The following DSC2 variants were observed in gnomAD, a reference collection of about 807,000 sequenced individuals.
DSC2 encodes the protein desmocollin 2.
A neutral mutation model predicts 87.6 loss-of-function variants in DSC2; 51 were observed. The ratio of observed to expected loss-of-function variants is 0.58; its 90% CI spans 0.46 to 0.74. The LOEUF (loss-of-function observed/expected upper bound fraction) is 0.74, where lower values mean the gene tolerates loss of function less well. Among genes scored for constraint, DSC2 ranks in the 30% least tolerant of loss-of-function variants. DSC2 has a pLI of 0.00. For synonymous variants in DSC2, 383 were observed against 393.2 expected (o/e 0.97, Z 0.31); for missense variants, 1,066 against 1,089.5 (o/e 0.98, Z 0.30).
At chr18:31,077,281 A>C (rs1987054972) in intron 11 of DSC2, among the ~76,000 whole-genome samples, 1 of 152,200 alleles carries the variant, frequency 6.6e-6, no homozygotes, top group Non-Finnish European at 1.5e-5. Flanking sequence ...CTGTCCCTCA[A>C]CTTCTCCTGT....
chr18:31,096,651 A>G (rs890403319), intron 1 of DSC2, among the ~76,000 whole-genome samples: 2 of 152,130 alleles, frequency 1.3e-5, no homozygotes, highest in Non-Finnish European at 2.9e-5. Context: ...AAATTCAATA[A>G]CCATTCTTAT....
intron 7 of DSC2, among the ~76,000 whole-genome samples, chr18:31,083,455 C>T (rs1331739277): frequency 1.3e-5 from 2 of 152,214 alleles, no homozygotes; most frequent in South Asian, 2.1e-4. Context: ...CTTTATTCAA[C>T]AGAAAAAGAA....
chr18:31,085,675 C>A (rs977096259), intron 7 of DSC2, among the ~76,000 whole-genome samples: 2 of 151,712 alleles, frequency 1.3e-5, no homozygotes, highest in Admixed American at 6.6e-5. Flanking sequence ...CTACCCTAAT[C>A]CATGAGGGAT....
rs569871930 is a variant in DSC2, at chr18:31,072,983, G to A, written c.1889-1142C>T. Among the ~76,000 whole-genome samples the A allele has an allele frequency of 2.0e-5, 3 of 152,236 alleles. No homozygotes were observed. In the East Asian group the frequency reaches 5.8e-4, roughly 29 times the overall value. ...TTACTCCCCCAAAAATCCCATTTTA[G>A]TAAATTGATGCTCAAAGACAATAAA... is the stretch of plus-strand genomic sequence containing the variant. On this transcript the variant is annotated intron_variant, in intron 12 of 15. Coordinates refer to ENST00000280904, the MANE Select transcript of DSC2 (RefSeq NM_024422.6).
intron 2 of DSC2, among the ~76,000 whole-genome samples, chr18:31,092,786 A>T (rs915268346): frequency 2.0e-5 from 3 of 152,116 alleles, no homozygotes; most frequent in African/African-American, 4.8e-5. Context: ...TTTAATTGAT[A>T]AAAAAATACA....
In DSC2 at chr18:31,102,349, C is replaced by G. The variant is rs956480703; in HGVS notation, c.-378G>C. 1.1e-5 allele frequency: 2 copies of G among 185,518 alleles called. No individual in the cohort carries two copies. The highest frequency in any genetic ancestry group is 2.2e-5 in the Non-Finnish European group (2 of 90,724). The allele number at this position is 185,518 out of a possible 1,614,324, so 11.5% of individuals were successfully genotyped here. A position where few individuals can be genotyped will look rare whatever the true frequency, so the allele number is the denominator to read the frequency against. ...CGGACGCCACCTATAAGGCCCATCTCCCCCACCACGCCCCGGTGTCCGCTC... is the reference window on the plus strand; with the variant it reads ...CGGACGCCACCTATAAGGCCCATCTGCCCCACCACGCCCCGGTGTCCGCTC... On this transcript the variant is annotated 5_prime_UTR_variant, in exon 1 of 16. Coordinates refer to ENST00000280904, the MANE Select transcript of DSC2 (RefSeq NM_024422.6).
intron 5 of DSC2, 63 bp from the exon 6 acceptor site, chr18:31,087,876 A>G: frequency 6.3e-7 from 1 of 1,577,528 alleles, no homozygotes; most frequent in Non-Finnish European, 8.7e-7. Context: ...GTATGCTTCA[A>G]ATTCATTTTG....
intron 5 of DSC2, among the ~76,000 whole-genome samples, chr18:31,088,161 G>T (rs1331790063): frequency 3.9e-5 from 6 of 152,166 alleles, no homozygotes; most frequent in Admixed American, 3.9e-4. Context: ...AGGTTCAGGT[G>T]CATGGATTTT....
At chr18:31,096,160 G>C (rs543942967) in intron 1 of DSC2, among the ~76,000 whole-genome samples, 1 of 152,132 alleles carries the variant, frequency 6.6e-6, no homozygotes, top group African/African-American at 2.4e-5. Context: ...CCAATGTGGA[G>C]AATGGAAAAA....
In DSC2 at chr18:31,071,696, T is replaced by A. The variant is rs1167022313; in HGVS notation, c.2034A>T (p.Thr678=). ...CGCCAATCCTTGGATCTACACGATG[T>A]GTGCAGTCATTTTCGGTAATGCAGT... ...LCDCITENDC[T]HRVDPRIGGG... The change falls in exon 13 of 16, where the codon ACA becomes ACT. Residue 678 remains threonine (T), a synonymous_variant. Coordinates refer to ENST00000280904, the MANE Select transcript of DSC2 (RefSeq NM_024422.6). 1 of 1,614,140 alleles carries A rather than the reference T, an allele frequency of 6.2e-7. No homozygotes were observed. Among genetic ancestry groups the A allele is most frequent in the Admixed American group, 1.7e-5 (1 of 60,022 alleles).
intron 11 of DSC2, among the ~76,000 whole-genome samples, chr18:31,079,073 C>T (rs1053739501): frequency 2.0e-5 from 3 of 151,888 alleles, no homozygotes; most frequent in African/African-American, 7.3e-5. Context: ...AATTCTAACC[C>T]CCAAGTATAT....
In DSC2 at chr18:31,082,256, T is replaced by A. The variant is rs1309837835; in HGVS notation, c.1245A>T (p.Gly415=). The change falls in exon 9 of 16, where the codon GGA becomes GGT. Residue 415 remains glycine, a synonymous_variant. Coordinates refer to ENST00000280904, the MANE Select transcript of DSC2 (RefSeq NM_024422.6). ...KIVTDAKTNE[G]VLCVVKPLNY... Reference sequence around the variant, plus strand: ...TTCTTACCTTAACTACACAAAGAACTCCTTCATTGGTTTTGGCATCTGTTA... The same window carrying A: ...TTCTTACCTTAACTACACAAAGAACACCTTCATTGGTTTTGGCATCTGTTA... 1 of 1,613,520 alleles carries A rather than the reference T, an allele frequency of 6.2e-7. No homozygotes were observed. The highest frequency in any genetic ancestry group is 8.5e-7 in the Non-Finnish European group (1 of 1,179,806).
intron 4 of DSC2, 51 bp downstream of exon 4, chr18:31,090,977 G>T (rs1279782968): frequency 1.9e-6 from 3 of 1,611,962 alleles, no homozygotes; most frequent in Non-Finnish European, 2.5e-6. Flanking sequence ...TGTCATAATG[G>T]TAAGAGATGG....
At chr18:31,097,451 G>A (rs534837337) in intron 1 of DSC2, among the ~76,000 whole-genome samples, 7 of 151,658 alleles carry the variant, frequency 4.6e-5, no homozygotes, top group South Asian at 2.1e-4. Context: ...AATCAACAAC[G>A]TATCTATATC....
At chr18:31,099,429 T>C (rs77597977) in intron 1 of DSC2, among the ~76,000 whole-genome samples, 11 of 152,340 alleles carry the variant, frequency 7.2e-5, no homozygotes, top group Non-Finnish European at 1.2e-4. Flanking sequence ...AGATCTGCTA[T>C]ATGACATTGT....
chr18:31,078,380 T>A (rs1987091439), intron 11 of DSC2, among the ~76,000 whole-genome samples: 1 of 152,134 alleles, frequency 6.6e-6, no homozygotes, highest in Admixed American at 6.5e-5. Flanking sequence ...TATATCACAA[T>A]GATGATAAGC....
chr18:31,074,724 G>A lies in DSC2; in HGVS notation c.1847C>T (p.Thr616Ile), dbSNP rs779987253. The A allele has an allele frequency of 6.2e-7, 1 of 1,613,884 alleles. No individual in the cohort carries two copies. Residue 616 changes from threonine (T) to isoleucine (I), a missense_variant, in exon 12 of 16, where the codon ACT becomes ATT. Coordinates refer to ENST00000280904, the MANE Select transcript of DSC2 (RefSeq NM_024422.6). Reference protein sequence around the residue: ...PPFDFSLESSTSEVQRMWRLK... With the variant: ...PPFDFSLESSISEVQRMWRLK... ...TCTCCACATTCTCTGTACTTCTGAAGTAGAACTCTCCAGACTAAAGTCAAA... is the reference window on the plus strand; with the variant it reads ...TCTCCACATTCTCTGTACTTCTGAAATAGAACTCTCCAGACTAAAGTCAAA...
At chr18:31,101,533 C>T (rs1253261560) in intron 1 of DSC2, 2 of 232,884 alleles carry the variant, frequency 8.6e-6, no homozygotes, top group Non-Finnish European at 1.6e-5. Flanking sequence ...CGCACTCCCG[C>T]CCCGGCGCAC....
At chr18:31,080,520 C>A (rs1425500043) in intron 9 of DSC2, among the ~76,000 whole-genome samples, 168 bp from the exon 10 acceptor site, 1 of 152,074 alleles carries the variant, frequency 6.6e-6, no homozygotes, top group East Asian at 1.9e-4. Flanking sequence ...GTGTCGCCAC[C>A]CACATCTCAT....
Sources: gnomAD v4.1 joint callset for allele counts (sites outside exome capture counted in the v4.1 genomes callset) on GRCh38, gnomAD v4.1.1 for gene constraint, MANE v1.5 for transcripts, NCBI Gene and HGNC (gene_info 2026-07-23, HGNC 2026-07-21) for gene names.